Variants in LRP5 observed in about 807,000 individuals in gnomAD.
LRP5 encodes LDL receptor related protein 5.
Under a neutral mutation model 154.1 loss-of-function variants are expected in LRP5, and 62 were observed. That is an observed-to-expected ratio of 0.40 (90% CI 0.33 to 0.50). The LOEUF is 0.50. Ranked by LOEUF, LRP5 falls within the 20% of genes least tolerant of loss-of-function variation. The pLI is 0.55. For missense variants in LRP5, 1,915 were observed against 2,336.7 expected (o/e 0.82, Z 3.72); for synonymous variants, 966 against 1,011.5 (o/e 0.96, Z 0.85).
Position 68,447,796 on chromosome 11 carries a change from A to C in LRP5, c.4587-1013A>C, listed in dbSNP as rs2153185537. On this transcript the variant is annotated intron_variant, in intron 22 of 22. Coordinates refer to ENST00000294304, the MANE Select transcript of LRP5 (RefSeq NM_002335.4). This position sits in a 1 kb window ranked among gnomAD's most constrained non-coding sequence, Gnocchi z 4.3. The stretch of plus-strand genomic sequence containing the variant: ...CTCTGTGACAGGACGGGGGCTCCTA[A>C]ACACACCACAGTTCCGAGTCTGAAC... Among the ~76,000 whole-genome samples, 1 of 152,088 alleles carries C rather than the reference A, an allele frequency of 6.6e-6. No individual in the cohort carries two copies. The highest frequency in any genetic ancestry group is 2.4e-5 in the African/African-American group (1 of 41,488).
rs889918702 is a variant in LRP5, at chr11:68,435,386, G to A, written c.4001-1503G>A. ...TGTAGGCAGCACCAGTATGGCACCC[G>A]CATCTGCTCAGCTTCTAGTGAGGTC... is the stretch of plus-strand genomic sequence containing the variant. On this transcript the variant is annotated intron_variant, in intron 18 of 22. Coordinates refer to ENST00000294304, the MANE Select transcript of LRP5 (RefSeq NM_002335.4). Among the ~76,000 whole-genome samples the A allele has an allele frequency of 3.3e-5, 5 of 152,280 alleles. No homozygotes were observed. The South Asian group carries it at 8.3e-4, about 25-fold the overall frequency.
chr11:68,365,815 C>T, intron 5 of LRP5, 113 bp downstream of exon 5: 1 of 1,108,608 alleles, frequency 9.0e-7, no homozygotes, highest in Non-Finnish European at 1.3e-6. Flanking sequence ...TCGAAATGAT[C>T]CACTTGGCGG....
Position 68,391,586 on chromosome 11 carries a change from T to C in LRP5, c.1584+1534T>C, listed in dbSNP as rs2098646374. Among the ~76,000 whole-genome samples, 4 of 152,312 alleles carry C rather than the reference T, an allele frequency of 2.6e-5. No individual in the cohort carries two copies. In the South Asian group the frequency reaches 8.3e-4, roughly 32 times the overall value. Reference sequence around the variant, plus strand: ...ACCCTGCTTCTGAGCGGGAGGAGTCTCAGCACCTTCAGGGTGGGGAACCCA... The same window carrying C: ...ACCCTGCTTCTGAGCGGGAGGAGTCCCAGCACCTTCAGGGTGGGGAACCCA... On this transcript the variant is annotated intron_variant, in intron 7 of 22. Coordinates refer to ENST00000294304, the MANE Select transcript of LRP5 (RefSeq NM_002335.4).
chr11:68,421,181 C>A (rs376932211), intron 13 of LRP5, among the ~76,000 whole-genome samples: 1 of 152,094 alleles, frequency 6.6e-6, no homozygotes, highest in Admixed American at 6.5e-5. Context: ...GAGCCGAGAT[C>A]GCTTCACTGC....
chr11:68,388,951 G>A (rs1381637511), intron 6 of LRP5, among the ~76,000 whole-genome samples: 1 of 152,080 alleles, frequency 6.6e-6, no homozygotes, highest in Non-Finnish European at 1.5e-5. Flanking sequence ...TACAAACACC[G>A]ACATTGACCG....
intron 9 of LRP5, among the ~76,000 whole-genome samples, chr11:68,407,944 G>T (rs1378238331): frequency 6.6e-6 from 1 of 152,236 alleles, no homozygotes; most frequent in Non-Finnish European, 1.5e-5. Flanking sequence ...TGACAGATCT[G>T]TATGGGCTCT....
At chr11:68,366,648 C>T (rs967466541) in intron 5 of LRP5, among the ~76,000 whole-genome samples, 1 of 152,152 alleles carries the variant, frequency 6.6e-6, no homozygotes, top group Non-Finnish European at 1.5e-5. Context: ...CTTTCTCTTT[C>T]TGAGAGCAGG....
At chr11:68,303,557 G>T in the LRP5 span, among the ~76,000 whole-genome samples, 32 of 152,148 alleles carry the variant, frequency 2.1e-4, no homozygotes, top group Non-Finnish European at 3.5e-4. Context: ...GCAGTGGCAT[G>T]ATCTGGGCTC....
chr11:68,406,611 G>A lies in LRP5; in HGVS notation c.1889G>A (p.Gly630Asp). 1 of 1,614,118 alleles carries A rather than the reference G, an allele frequency of 6.2e-7. No homozygotes were observed. Among genetic ancestry groups the A allele is most frequent in the East Asian group, 2.2e-5 (1 of 44,876 alleles). Residue 630 changes from glycine to aspartate, a missense_variant, in exon 9 of 23, where the codon GGC becomes GAC. Physicochemically the swap from Gly to Asp is moderately conservative, Grantham distance 94. This residue lies in a region of LRP5 where 773 missense variants were observed against 1,100.9 expected (regional missense o/e 0.70). Coordinates refer to ENST00000294304, the MANE Select transcript of LRP5 (RefSeq NM_002335.4). The part of the protein sequence containing the change: ...PHATRCGCPI[G>D]LELLSDMKTC... ...GCAACCCGGTGTGGCTGCCCCATCG[G>A]CCTGGAGCTGCTGAGTGACATGAAG...
chr11:68,304,077 A>G, the LRP5 span, among the ~76,000 whole-genome samples: 1 of 152,210 alleles, frequency 6.6e-6, no homozygotes, highest in Non-Finnish European at 1.5e-5. Context: ...AATAGGCCTC[A>G]GAGGCAAAAA....
At chr11:68,405,882 C>G (rs775091974) in intron 8 of LRP5, among the ~76,000 whole-genome samples, 4 of 152,228 alleles carry the variant, frequency 2.6e-5, no homozygotes, top group South Asian at 4.1e-4. Flanking sequence ...CTGGGACTCT[C>G]AGGAGCCAAG....
chr11:68,405,469 CA>C (rs772035158), intron 8 of LRP5, among the ~76,000 whole-genome samples: 3,113 of 55,862 alleles, frequency 0.056, 22 homozygotes, highest in African/African-American at 0.073. Context: ...GACCCTGTCT[CA>C]AAAAAAAAAA....
intron 5 of LRP5, among the ~76,000 whole-genome samples, chr11:68,375,365 T>G (rs1159138074): frequency 6.6e-6 from 1 of 152,160 alleles, no homozygotes; most frequent in Non-Finnish European, 1.5e-5. Context: ...CCCCACTCTG[T>G]TTTTCTACCT....
At chr11:68,349,724 C>T (rs1031041290) in intron 2 of LRP5, among the ~76,000 whole-genome samples, 3 of 152,038 alleles carry the variant, frequency 2.0e-5, no homozygotes, top group Admixed American at 2.0e-4. Context: ...GGGAGGTGGC[C>T]CAGCTCCACT....
chr11:68,343,201 C>T (rs1402067101), intron 1 of LRP5, among the ~76,000 whole-genome samples: 2 of 152,194 alleles, frequency 1.3e-5, no homozygotes, highest in Admixed American at 1.3e-4. Flanking sequence ...GGCTCGCTGC[C>T]TCCCGAGACA....
At chr11:68,417,999 G>T (rs893571199) in intron 13 of LRP5, among the ~76,000 whole-genome samples, 4 of 152,302 alleles carry the variant, frequency 2.6e-5, no homozygotes, top group African/African-American at 4.8e-5. Flanking sequence ...AGTCAGGCTT[G>T]TGTGGCCTGT....
Position 68,411,200 on chromosome 11 carries a change from G to A in LRP5, c.2319-236G>A, listed in dbSNP as rs23691. Among the ~76,000 whole-genome samples, 90,860 of 152,104 alleles carry A rather than the reference G, an allele frequency of 0.6. 29,826 individuals are homozygous for A. Among genetic ancestry groups the A allele is most frequent in the South Asian group, 0.8 (3,843 of 4,812 alleles). ...TGTGTCCGTAAGTGGGTATTTACTC[G>A]CCTTACGAGTGAGCCACTGTGGGAA... On this transcript the variant is annotated intron_variant, in intron 10 of 22. Coordinates refer to ENST00000294304, the MANE Select transcript of LRP5 (RefSeq NM_002335.4).
At chr11:68,410,352 A>G (rs570470415) in intron 10 of LRP5, among the ~76,000 whole-genome samples, 2 of 152,304 alleles carry the variant, frequency 1.3e-5, no homozygotes, top group Admixed American at 1.3e-4. Flanking sequence ...TATCAGGCAC[A>G]GTGCTGGCTG....
At chr11:68,344,770 C>G (rs2098611351) in intron 1 of LRP5, among the ~76,000 whole-genome samples, 1 of 141,154 alleles carries the variant, frequency 7.1e-6, no homozygotes, top group Non-Finnish European at 1.5e-5. Context: ...AAGTATTTGT[C>G]TTTTTATATC....
Sources: allele counts gnomAD v4.1 joint callset (sites outside exome capture counted in the v4.1 genomes callset), GRCh38; gene constraint gnomAD v4.1.1; regional missense constraint gnomAD v4.1.1; non-coding constraint Gnocchi (gnomAD v3.1); transcripts MANE v1.5; gene names NCBI Gene and HGNC (gene_info 2026-07-23, HGNC 2026-07-21).